PIEZO1: variants seen among roughly 807,000 people sequenced by gnomAD.
The protein encoded by PIEZO1 is piezo-type mechanosensitive ion channel component 1.
In PIEZO1, 296 loss-of-function variants were observed where a neutral mutation model predicts 297.2. That is an observed-to-expected ratio of 1.00 (90% CI 0.91 to 1.10). PIEZO1 has a LOEUF of 1.10. Among genes scored for constraint, PIEZO1 ranks in the 50% least tolerant of loss-of-function variants. The probability of loss-of-function intolerance (pLI) is 0.00; values close to 1 mark genes in which losing one functional copy is unlikely to be tolerated. For synonymous variants in PIEZO1, 2,427 were observed against 1,507.5 expected, an observed-to-expected ratio of 1.61 and a Z score of -14.13; for missense variants, 5,018 against 3,455.5, an observed-to-expected ratio of 1.45 and a Z score of -11.34.
chr16:88,749,774 T>A (rs1906289768), intron 1 of PIEZO1, among the ~76,000 whole-genome samples: 2 of 152,228 alleles, frequency 1.3e-5, no homozygotes, highest in African/African-American at 4.8e-5. Flanking sequence ...ACACCTGTCA[T>A]CCCAGCACTT....
At chr16:88,775,527 G>C (rs901131113) in intron 1 of PIEZO1, among the ~76,000 whole-genome samples, 2 of 152,168 alleles carry the variant, frequency 1.3e-5, no homozygotes, top group Admixed American at 6.5e-5. Context: ...TCAGGAGTTT[G>C]AGACCAGCCT....
Position 88,720,175 on chromosome 16 carries a change from C to T in PIEZO1, c.6058G>A (p.Ala2020Thr), listed in dbSNP as rs587776989. The change falls in exon 42 of 51, where the codon GCC becomes ACC. Residue 2020 changes from alanine to threonine, a missense_variant. Coordinates refer to ENST00000301015, the MANE Select transcript of PIEZO1 (RefSeq NM_001142864.4). ...IQFSTMVVDRALYLRKTVLGK... is the reference protein window; with the variant it reads ...IQFSTMVVDRTLYLRKTVLGK... The stretch of plus-strand genomic sequence containing the variant: ...AGCACGGTCTTGCGCAGGTAGAGGG[C>T]GCGGTCAACCACCATGGTACTGAAC... 3 of 1,550,510 alleles carry T rather than the reference C, an allele frequency of 1.9e-6. No individual in the cohort carries two copies. Among genetic ancestry groups the T allele is most frequent in the South Asian group, 1.2e-5 (1 of 84,066 alleles).
chr16:88,721,048 T>G, intron 39 of PIEZO1, 118 bp downstream of exon 39: 1 of 1,094,392 alleles, frequency 9.1e-7, no homozygotes, highest in Non-Finnish European at 1.3e-6. Flanking sequence ...GGCACCTTCC[T>G]GGGATCCAGG....
At chr16:88,737,678 G>C (rs1408699986) in intron 9 of PIEZO1, 32 bp from the exon 10 acceptor site, 1 of 1,532,760 alleles carries the variant, frequency 6.5e-7, no homozygotes, top group Admixed American at 2.0e-5. Flanking sequence ...CCATGCACGG[G>C]CTGGCCGGGC....
At chr16:88,744,692 G>A (rs1374724910) in intron 2 of PIEZO1, among the ~76,000 whole-genome samples, 4 of 151,518 alleles carry the variant, frequency 2.6e-5, no homozygotes, top group East Asian at 1.9e-4. Flanking sequence ...TTCTCGGGCC[G>A]GCCAGAGTGT....
At chr16:88,726,681 C>CCT in intron 25 of PIEZO1, 34 bp downstream of exon 25, 5 of 1,173,458 alleles carry the variant, frequency 4.3e-6, no homozygotes, top group African/African-American at 2.0e-5. Flanking sequence ...AGCGGGGCCC[C>CCT]AGGGCGGTGG....
chr16:88,720,872 G>T, intron 39 of PIEZO1, 124 bp from the exon 40 acceptor site: 1 of 1,162,682 alleles, frequency 8.6e-7, no homozygotes, highest in Non-Finnish European at 1.2e-6. Flanking sequence ...GCACAGGAAA[G>T]CTCCCAGTGT....
chr16:88,731,780 T>C lies in PIEZO1; in HGVS notation c.3122A>G (p.Tyr1041Cys). ...CAGGAACAGCGCCAGGAAGAGGCAG[T>C]AGTTGGGCCAGAGGCGGGCAATGGC... is the stretch of plus-strand genomic sequence containing the variant. ...RQAIARLWPNYCLFLALFLLY... is the reference protein window; with the variant it reads ...RQAIARLWPNCCLFLALFLLY... The change falls in exon 22 of 51, where the codon TAC becomes TGC. Residue 1041 changes from tyrosine (Y) to cysteine (C), a missense_variant. By Grantham distance (194) the Tyr-to-Cys change is radical (BLOSUM62 -2). Transcript: ENST00000301015. 1 of 1,549,028 alleles carries C rather than the reference T, an allele frequency of 6.5e-7. No homozygotes were observed. The highest frequency in any genetic ancestry group is 8.7e-7 in the Non-Finnish European group (1 of 1,146,618).
At chr16:88,728,442 C>A (rs1443322830) in intron 22 of PIEZO1, among the ~76,000 whole-genome samples, 3 of 150,586 alleles carry the variant, frequency 2.0e-5, no homozygotes, top group Admixed American at 6.6e-5. Flanking sequence ...ACAGCCCCAT[C>A]TGCCACAGAG....
intron 10 of PIEZO1, 29 bp from the exon 11 acceptor site, chr16:88,736,768 G>A: frequency 1.4e-6 from 2 of 1,430,446 alleles, no homozygotes; most frequent in Non-Finnish European, 1.9e-6. Flanking sequence ...GTCAGCTTCG[G>A]CAGGTTGATC....
At chr16:88,745,571 T>TTCA (rs1905997531) in intron 2 of PIEZO1, 1 of 152,020 alleles carries the variant, frequency 6.6e-6, no homozygotes, top group African/African-American at 2.4e-5. Context: ...GGTGAAACCC[T>TTCA]GTTTCTACTG....
At position 88,738,738 on chromosome 16, in the gene PIEZO1, T is replaced by A; in HGVS notation, c.466-2A>T. 1 of 1,527,404 alleles carries A rather than the reference T, an allele frequency of 6.5e-7. No individual in the cohort carries two copies. The allele number at this position is 1,527,404 out of a possible 1,614,324, so 94.6% of individuals were successfully genotyped here. A position where few individuals can be genotyped will look rare whatever the true frequency, so the allele number is the denominator to read the frequency against. ...ATCCACATCCCTCTCATCATCATCC[T>A]GCCAAGGTCACGGACAGGGGCAAGG... On this transcript the variant is annotated splice_acceptor_variant, in intron 5 of 50. Transcript: ENST00000301015. LOFTEE classifies it high-confidence loss of function.
rs1398699111 is a variant in PIEZO1 at position 88,716,546 on chromosome 16, G to A, written c.6926+13C>T. 1.3e-6 allele frequency: 2 copies of A among 1,540,264 alleles called. No individual in the cohort carries two copies. Among genetic ancestry groups the A allele is most frequent in the Admixed American group, 2.0e-5 (1 of 50,518 alleles). On this transcript the variant is annotated intron_variant, in intron 47 of 50. Coordinates refer to ENST00000301015, the MANE Select transcript of PIEZO1 (RefSeq NM_001142864.4). ...TCCACCCACCCAGGCACTGCCCCAA[G>A]TCCAGGACGAACCTCTGGAAGTTCC...
Position 88,725,027 on chromosome 16 carries a change from A to G in PIEZO1, c.4216T>C (p.Trp1406Arg). Reference sequence around the variant, plus strand: ...GGGGTACCTGTGGCGTGGTCCAGCCAGGGCCGCCACCACTGCCTCCGTGGC... The same window carrying G: ...GGGGTACCTGTGGCGTGGTCCAGCCGGGGCCGCCACCACTGCCTCCGTGGC... ...SPPRRQWWRP[W>R]LDHATVIHSG... is the part of the protein sequence containing the mutation. Residue 1406 changes from tryptophan to arginine, a missense_variant, in exon 30 of 51, where the codon TGG becomes CGG. Trp to Arg is a moderately radical substitution (Grantham distance 101, BLOSUM62 -3). Coordinates refer to ENST00000301015, the MANE Select transcript of PIEZO1 (RefSeq NM_001142864.4). 6.7e-7 allele frequency: 1 copy of G among 1,495,748 alleles called. No individual in the cohort carries two copies. Among genetic ancestry groups the G allele is most frequent in the Non-Finnish European group, 8.9e-7 (1 of 1,124,100 alleles). The allele number at this position is 1,495,748 out of a possible 1,614,324, so 92.7% of individuals were successfully genotyped here.
At position 88,738,304 on chromosome 16, in the gene PIEZO1, G is replaced by A. The variant is rs751543288; in HGVS notation, c.771C>T (p.Ala257=). The A allele has an allele frequency of 2.5e-5, 39 of 1,535,860 alleles. No individual in the cohort carries two copies. In the Middle Eastern group the frequency reaches 5.0e-4, roughly 20 times the overall value. ...AGCAGTAGAGGCAGATGAGATGGCC[G>A]GCGCCGAAGCACCCCACCGCGACGC... ...RLCVAVGCFG[A]GHLICLYCYQ... The change falls in exon 7 of 51, where the codon GCC becomes GCT. Residue 257 remains alanine (A), a synonymous_variant. Coordinates refer to ENST00000301015, the MANE Select transcript of PIEZO1 (RefSeq NM_001142864.4).
chr16:88,734,276 T>C (rs1905062726), intron 16 of PIEZO1, 80 bp downstream of exon 16: 5 of 1,330,028 alleles, frequency 3.8e-6, no homozygotes, highest in Non-Finnish European at 5.0e-6. Flanking sequence ...ATGTGGCTCC[T>C]GTCCAACTCC....
rs1308833107 is a variant in PIEZO1 at position 88,742,416 on chromosome 16, G to C, written c.167C>G (p.Thr56Arg). 1.3e-6 allele frequency: 2 copies of C among 1,534,770 alleles called. No individual in the cohort carries two copies. Residue 56 changes from threonine (T) to arginine (R), a missense_variant, in exon 3 of 51, where the codon ACA (threonine) becomes AGA (arginine). Transcript: ENST00000301015. ...CAGCAATGCCCGCAGGAGGCGGCCT[G>C]TGTGACCTGCGGCAGAGCGAGTGGG... ...GPTRCGLQGHTGRLLRALLGL... is the reference protein window; with the variant it reads ...GPTRCGLQGHRGRLLRALLGL...
intron 1 of PIEZO1, among the ~76,000 whole-genome samples, chr16:88,768,948 T>A (rs1022608307): frequency 1.3e-5 from 2 of 152,208 alleles, no homozygotes; most frequent in Non-Finnish European, 2.9e-5. Flanking sequence ...GGGCCTCAGT[T>A]TCCTCATCTG....
chr16:88,716,113 T>C lies in PIEZO1; in HGVS notation c.7136A>G (p.Glu2379Gly), dbSNP rs778557889. 1.9e-6 allele frequency: 3 copies of C among 1,544,380 alleles called. No individual in the cohort carries two copies. The highest frequency in any genetic ancestry group is 1.2e-5 in the South Asian group (1 of 83,544). Residue 2379 changes from glutamate (E) to glycine (G), a missense_variant, in exon 50 of 51, where the codon GAG becomes GGG. Coordinates refer to ENST00000301015, the MANE Select transcript of PIEZO1 (RefSeq NM_001142864.4). The stretch of plus-strand genomic sequence containing the variant: ...GATACGCACGCCGAGGTAGTCGGCC[T>C]CCTCATCTGGGATGGAGGGAGAAGA... ...NPVKQLQPNE[E>G]ADYLGVRIQL...
Sources: gnomAD v4.1 joint callset for allele counts (sites outside exome capture counted in the v4.1 genomes callset) on GRCh38, gnomAD v4.1.1 for gene constraint, MANE v1.5 for transcripts, NCBI Gene and HGNC (gene_info 2026-07-23, HGNC 2026-07-21) for gene names.